The following N4BP2 variants were observed in gnomAD, a reference collection of about 807,000 sequenced individuals.
The protein encoded by N4BP2 is NEDD4-binding protein 2.
Under a neutral mutation model 152.8 loss-of-function variants are expected in N4BP2, and 91 were observed. The observed-to-expected ratio is 0.60, with a 90% CI of 0.50 to 0.71. The LOEUF (loss-of-function observed/expected upper bound fraction) is 0.71, where lower values mean the gene tolerates loss of function less well. Ranked by LOEUF, N4BP2 falls within the 30% of genes least tolerant of loss-of-function variation. The pLI is 0.00. For missense variants in N4BP2, 1,923 were observed against 2,059.1 expected (o/e 0.93, Z 1.28); for synonymous variants, 646 against 705.3 (o/e 0.92, Z 1.33).
chr4:40,118,104 A>C, intron 8 of N4BP2, 80 bp downstream of exon 8: 1 of 1,193,448 alleles, frequency 8.4e-7, no homozygotes, highest in Non-Finnish European at 1.1e-6. Flanking sequence ...TTGTGGAATC[A>C]TTGCTGATAA....
chr4:40,094,505 G>C (rs962886652), intron 2 of N4BP2, among the ~76,000 whole-genome samples: 19 of 151,810 alleles, frequency 1.3e-4, no homozygotes, highest in Non-Finnish European at 2.7e-4. Context: ...TTATTTTGTA[G>C]CTCTTTTTAG....
intron 1 of N4BP2, among the ~76,000 whole-genome samples, chr4:40,066,320 C>CTT (rs11384930): frequency 0.021 from 2,664 of 129,014 alleles, 85 homozygotes; most frequent in African/African-American, 0.054. Flanking sequence ...GTGATTTTCC[C>CTT]TTTTTTTTTT....
the N4BP2 span, among the ~76,000 whole-genome samples, chr4:40,171,779 A>G: frequency 6.6e-6 from 1 of 152,200 alleles, no homozygotes; most frequent in Non-Finnish European, 1.5e-5. Context: ...AAAGTGGGGA[A>G]GCTGACAGTG....
At chr4:40,096,143 G>A (rs1715087478) in intron 2 of N4BP2, among the ~76,000 whole-genome samples, 1 of 152,116 alleles carries the variant, frequency 6.6e-6, no homozygotes, top group African/African-American at 2.4e-5. Flanking sequence ...TCTATTCCAG[G>A]TATGAGTCCC....
the N4BP2 span, among the ~76,000 whole-genome samples, chr4:40,170,085 T>C: frequency 1.3e-5 from 2 of 152,094 alleles, no homozygotes; most frequent in African/African-American, 2.4e-5. Context: ...AAACGTCTTA[T>C]GAATTTGAGG....
chr4:40,175,176 G>A, the N4BP2 span, among the ~76,000 whole-genome samples: 1 of 151,604 alleles, frequency 6.6e-6, no homozygotes, highest in Admixed American at 6.6e-5. Flanking sequence ...GCATGCCACT[G>A]TGCCTGGCTA....
chr4:40,097,453 C>A lies in N4BP2; in HGVS notation c.113C>A (p.Pro38His). Residue 38 changes from proline (P) to histidine (H), a missense_variant, in exon 3 of 18, where the codon CCT becomes CAT. Coordinates refer to ENST00000261435, the MANE Select transcript of N4BP2 (RefSeq NM_018177.6). ...CGTGAGGAGCCAACCACTACTCTAC[C>A]TTCCATGGGTGAGACAAAAGTTGAT... The part of the protein sequence containing the change: ...ASREEPTTTL[P>H]SMGETKVDQE... 6.2e-7 allele frequency: 1 copy of A among 1,614,022 alleles called. No homozygotes were observed.
intron 17 of N4BP2, among the ~76,000 whole-genome samples, chr4:40,153,854 G>C (rs779525210): frequency 5.8e-4 from 89 of 152,144 alleles, no homozygotes; most frequent in Admixed American, 1.1e-3. Context: ...TGATATATCA[G>C]AGATTTCTTC....
intron 2 of N4BP2, among the ~76,000 whole-genome samples, chr4:40,083,765 C>G (rs1036345513): frequency 7.9e-5 from 12 of 152,052 alleles, no homozygotes; most frequent in African/African-American, 2.9e-4. Context: ...GATGGTTGTA[C>G]AACTCTGAAT....
the N4BP2 span, among the ~76,000 whole-genome samples, chr4:40,175,994 C>G: frequency 3.7e-4 from 55 of 150,404 alleles, 1 homozygote; most frequent in Admixed American, 2.1e-3. Context: ...GGAGGCTGAG[C>G]CAGGAGAATG....
At chr4:40,130,516 TTTTG>T (rs992839162) in intron 12 of N4BP2, among the ~76,000 whole-genome samples, 11 of 152,116 alleles carry the variant, frequency 7.2e-5, no homozygotes, top group African/African-American at 2.7e-4. Flanking sequence ...TCCCAGATTA[TTTTG>T]TTTATTTATT....
intron 16 of N4BP2, among the ~76,000 whole-genome samples, chr4:40,146,433 T>C (rs886984333): frequency 6.6e-6 from 1 of 152,170 alleles, no homozygotes; most frequent in Non-Finnish European, 1.5e-5. Flanking sequence ...TAAATACCTG[T>C]CTTTTTGGCC....
the N4BP2 span, among the ~76,000 whole-genome samples, chr4:40,173,732 G>T: frequency 6.6e-6 from 1 of 152,216 alleles, no homozygotes; most frequent in Admixed American, 6.5e-5. Flanking sequence ...TCACTGCAGA[G>T]AGCCTGGGCC....
chr4:40,161,429 C>A (rs74473678), downstream of N4BP2, among the ~76,000 whole-genome samples: 8,036 of 152,236 alleles, frequency 0.053, 636 homozygotes, highest in East Asian at 0.4. Flanking sequence ...GGAGAACTTA[C>A]CCATTGAAAC....
At chr4:40,116,711 A>G (rs1245225491) in intron 7 of N4BP2, among the ~76,000 whole-genome samples, 2 of 152,050 alleles carry the variant, frequency 1.3e-5, no homozygotes, top group Non-Finnish European at 2.9e-5. Flanking sequence ...TCATCTGGGA[A>G]TTGCCTTCTG....
downstream of N4BP2, among the ~76,000 whole-genome samples, chr4:40,160,801 AT>A (rs1721837379): frequency 6.6e-6 from 1 of 152,216 alleles, no homozygotes; most frequent in Non-Finnish European, 1.5e-5. Context: ...CTAAGTGAGA[AT>A]ATTAGAGGCA....
intron 2 of N4BP2, among the ~76,000 whole-genome samples, chr4:40,095,056 G>A (rs1003700195): frequency 6.6e-6 from 1 of 150,618 alleles, no homozygotes; most frequent in Non-Finnish European, 1.5e-5. Flanking sequence ...GATTACAGTC[G>A]CGAGCCCCTG....
chr4:40,060,600 A>G (rs945870130), intron 1 of N4BP2, among the ~76,000 whole-genome samples: 1 of 116,880 alleles, frequency 8.6e-6, no homozygotes, highest in African/African-American at 3.3e-5. Flanking sequence ...CTAAGTAGCT[A>G]GATTTTTTTT....
Position 40,122,112 on chromosome 4 carries a change from A to G in N4BP2, c.4001A>G (p.Asp1334Gly), listed in dbSNP as rs1579078997. Residue 1334 changes from aspartate (D) to glycine (G), a missense_variant, in exon 9 of 18, where the codon GAT becomes GGT. Transcript: ENST00000261435. ...GATGAAGAAGAATTTATGAATGAAG[A>G]TGAGAAGGAAATGAAGGAAATTCTA... Reference protein sequence around the residue: ...FSDEEEFMNEDEKEMKEILMA... With the variant: ...FSDEEEFMNEGEKEMKEILMA... 5 of 1,593,096 alleles carry G rather than the reference A, an allele frequency of 3.1e-6. No homozygotes were observed. The highest frequency in any genetic ancestry group is 4.3e-6 in the Non-Finnish European group (5 of 1,167,098).
Sources: allele counts gnomAD v4.1 joint callset (sites outside exome capture counted in the v4.1 genomes callset), GRCh38; gene constraint gnomAD v4.1.1; transcripts MANE v1.5; gene names NCBI Gene and HGNC (gene_info 2026-07-23, HGNC 2026-07-21).